Variants in MAML2 observed in about 807,000 individuals in gnomAD.
The protein encoded by MAML2 is mastermind-like protein 2.
Under a neutral mutation model 96.1 loss-of-function variants are expected in MAML2, and 22 were observed. That is an observed-to-expected ratio of 0.23 (90% CI 0.16 to 0.33). The LOEUF is 0.33. MAML2 is among the 10% of genes least tolerant of loss of function. MAML2 has a pLI of 1.00. For synonymous variants in MAML2, 561 were observed against 521.3 expected (o/e 1.08, Z -1.04); for missense variants, 1,367 against 1,392.4 (o/e 0.98, Z 0.29).
intron 2 of MAML2, among the ~76,000 whole-genome samples, chr11:96,001,215 G>A (rs1040812193): frequency 5.1e-4 from 77 of 152,164 alleles, no homozygotes; most frequent in African/African-American, 1.9e-3. Context: ...GGGTGGACAC[G>A]TATTACGGGT....
chr11:96,119,316 G>T (rs1259833988), intron 1 of MAML2, among the ~76,000 whole-genome samples: 1 of 152,182 alleles, frequency 6.6e-6, no homozygotes, highest in Non-Finnish European at 1.5e-5. Flanking sequence ...GTCCTTACAA[G>T]GAAGGAGGCA....
At chr11:96,269,683 G>A (rs1055378521) in intron 1 of MAML2, among the ~76,000 whole-genome samples, 1 of 143,452 alleles carries the variant, frequency 7.0e-6, no homozygotes, top group Non-Finnish European at 1.5e-5. Flanking sequence ...GCTAAGTTTT[G>A]TATTTTTTAT....
At chr11:96,242,021 A>G (rs965813061) in intron 1 of MAML2, among the ~76,000 whole-genome samples, 1 of 152,196 alleles carries the variant, frequency 6.6e-6, no homozygotes, top group African/African-American at 2.4e-5. Flanking sequence ...AGCCCATGCA[A>G]GTGTGATTGG....
chr11:96,203,843 C>A (rs145341864), intron 1 of MAML2, among the ~76,000 whole-genome samples: 1 of 152,186 alleles, frequency 6.6e-6, no homozygotes, highest in African/African-American at 2.4e-5. Context: ...CGGTTATTCT[C>A]AATAATATGA....
At chr11:96,098,422 G>T (rs1436512930) in intron 1 of MAML2, among the ~76,000 whole-genome samples, 1 of 152,204 alleles carries the variant, frequency 6.6e-6, no homozygotes, top group East Asian at 1.9e-4. Context: ...AGGTGGGTGA[G>T]AAGCATTTTT....
chr11:96,336,036 G>C (rs1226599082), intron 1 of MAML2, among the ~76,000 whole-genome samples: 1 of 152,100 alleles, frequency 6.6e-6, no homozygotes, highest in Non-Finnish European at 1.5e-5. Context: ...TATGTATCAG[G>C]CACTATGCTG....
chr11:96,181,367 G>A (rs894149162), intron 1 of MAML2, among the ~76,000 whole-genome samples: 7 of 152,050 alleles, frequency 4.6e-5, no homozygotes, highest in African/African-American at 1.2e-4. Flanking sequence ...CTTCATGAGA[G>A]GATAATTGGG....
chr11:96,253,529 A>G (rs1181114596), intron 1 of MAML2, among the ~76,000 whole-genome samples: 2 of 152,322 alleles, frequency 1.3e-5, no homozygotes, highest in East Asian at 1.9e-4. Flanking sequence ...TTACTTCTGT[A>G]CTCAAGTGAG....
intron 1 of MAML2, among the ~76,000 whole-genome samples, chr11:96,180,072 C>T (rs1203317735): frequency 6.6e-6 from 1 of 152,144 alleles, no homozygotes; most frequent in Admixed American, 6.5e-5. Flanking sequence ...GTTTTGGATC[C>T]CCTTCTGGAG....
intron 1 of MAML2, among the ~76,000 whole-genome samples, chr11:96,280,819 A>G (rs909187757): frequency 1.4e-4 from 21 of 152,214 alleles, no homozygotes; most frequent in Non-Finnish European, 5.9e-5. Flanking sequence ...ACATAATGTT[A>G]TTCTGTGGTA....
chr11:96,121,463 T>C (rs1371707734), intron 1 of MAML2, among the ~76,000 whole-genome samples: 1 of 152,136 alleles, frequency 6.6e-6, no homozygotes, highest in Non-Finnish European at 1.5e-5. Flanking sequence ...GCAAAAAACA[T>C]TTAACAGACA....
At chr11:96,225,382 C>T (rs143831618) in intron 1 of MAML2, among the ~76,000 whole-genome samples, 148 of 152,314 alleles carry the variant, frequency 9.7e-4, no homozygotes, top group Non-Finnish European at 1.4e-3. Flanking sequence ...CATCTCTATT[C>T]ATGCTTCAGA....
At chr11:96,339,701 T>G (rs1469655167) in intron 1 of MAML2, among the ~76,000 whole-genome samples, 1 of 152,192 alleles carries the variant, frequency 6.6e-6, no homozygotes, top group Non-Finnish European at 1.5e-5. Flanking sequence ...ATAAATTTAC[T>G]GGGGACAATC....
At chr11:95,997,652 G>A (rs1270389100) in intron 2 of MAML2, among the ~76,000 whole-genome samples, 1 of 152,030 alleles carries the variant, frequency 6.6e-6, no homozygotes, top group Non-Finnish European at 1.5e-5. Flanking sequence ...AATCATAATC[G>A]CTTAGTGGGA....
chr11:95,993,027 G>A (rs559412629), intron 2 of MAML2, among the ~76,000 whole-genome samples: 11 of 151,974 alleles, frequency 7.2e-5, no homozygotes, highest in East Asian at 1.9e-4. Context: ...GACCACAGGC[G>A]TGCGCCACCT....
chr11:96,278,425 A>T (rs780967428), intron 1 of MAML2, among the ~76,000 whole-genome samples: 1 of 152,190 alleles, frequency 6.6e-6, no homozygotes, highest in Non-Finnish European at 1.5e-5. Flanking sequence ...ACTGGTTTCT[A>T]CCCTTAAGAA....
chr11:95,983,919 C>A (rs748570521), intron 4 of MAML2, among the ~76,000 whole-genome samples: 1 of 152,004 alleles, frequency 6.6e-6, no homozygotes, highest in Non-Finnish European at 1.5e-5. Flanking sequence ...AAGTTTAGTG[C>A]AGCCTAAGTG....
intron 2 of MAML2, among the ~76,000 whole-genome samples, chr11:96,075,466 C>T (rs1859419560): frequency 1.3e-5 from 2 of 152,134 alleles, no homozygotes; most frequent in Admixed American, 6.5e-5. Context: ...CCAGACAGGG[C>T]AGGGATTCTA....
chr11:96,277,664 A>C (rs1437557448), intron 1 of MAML2, among the ~76,000 whole-genome samples: 2 of 151,130 alleles, frequency 1.3e-5, no homozygotes, highest in Non-Finnish European at 2.9e-5. Flanking sequence ...AGGCAGGAGA[A>C]TCGCTTGTGG....
Sources: gnomAD v4.1 joint callset for allele counts (sites outside exome capture counted in the v4.1 genomes callset) on GRCh38, gnomAD v4.1.1 for gene constraint, MANE v1.5 for transcripts, NCBI Gene and HGNC (gene_info 2026-07-23, HGNC 2026-07-21) for gene names.